ALCAM: variants seen among roughly 807,000 people sequenced by gnomAD.
ALCAM encodes the protein CD166 antigen.
ALCAM carries 30 observed loss-of-function variants against 70.9 expected under a neutral mutation model. That is an observed-to-expected ratio of 0.42 (90% CI 0.32 to 0.57). ALCAM has a LOEUF of 0.57. ALCAM is among the 20% of genes least tolerant of loss of function. ALCAM has a pLI of 0.11. For missense variants in ALCAM, 591 were observed against 695.1 expected, an observed-to-expected ratio of 0.85 and a Z score of 1.68; for synonymous variants, 249 against 242.5, an observed-to-expected ratio of 1.03 and a Z score of -0.25.
intron 7 of ALCAM, among the ~76,000 whole-genome samples, chr3:105,540,785 A>G (rs979264847): frequency 1.3e-5 from 2 of 152,016 alleles, no homozygotes; most frequent in Admixed American, 6.6e-5. Flanking sequence ...TCAATACTGC[A>G]TTTACTGCAG....
chr3:105,505,987 C>T (rs945547473), intron 1 of ALCAM, among the ~76,000 whole-genome samples: 8 of 151,954 alleles, frequency 5.3e-5, no homozygotes, highest in Non-Finnish European at 1.0e-4. Context: ...GTATGATCAG[C>T]GATTTTTATT....
intron 1 of ALCAM, among the ~76,000 whole-genome samples, chr3:105,494,755 G>A (rs370843857): frequency 6.6e-6 from 1 of 151,790 alleles, no homozygotes; most frequent in South Asian, 2.1e-4. Context: ...GAACTCCTGG[G>A]CTCAAGTGAT....
At chr3:105,380,372 A>G (rs1303708959) in intron 1 of ALCAM, among the ~76,000 whole-genome samples, 8 of 152,002 alleles carry the variant, frequency 5.3e-5, no homozygotes, top group Non-Finnish European at 1.5e-5. Context: ...TCAATTTTAT[A>G]AGACATCTCC....
rs545437387 is a variant in ALCAM, at chr3:105,531,914, T to C, written c.395-88T>C. 47 of 1,031,756 alleles carry C rather than the reference T, an allele frequency of 4.6e-5. 1 individual carries two copies. The South Asian group carries it at 6.0e-4, about 13-fold the overall frequency. The allele number at this position is 1,031,756 out of a possible 1,614,324, so 63.9% of individuals were successfully genotyped here. ...CTGTTGCTTATTCTTCTGTATTGAG[T>C]AAATGAATTGTTTTTGCTGTGAATC... is the stretch of plus-strand genomic sequence containing the variant. On this transcript the variant is annotated intron_variant, in intron 3 of 15. Coordinates refer to ENST00000306107, the MANE Select transcript of ALCAM (RefSeq NM_001627.4).
intron 3 of ALCAM, among the ~76,000 whole-genome samples, chr3:105,527,217 T>G (rs1939727196): frequency 6.6e-6 from 1 of 152,160 alleles, no homozygotes; most frequent in Non-Finnish European, 1.5e-5. Context: ...CAGAAGCAAG[T>G]GTCAGCCTTT....
intron 6 of ALCAM, among the ~76,000 whole-genome samples, chr3:105,538,310 A>G (rs1202528765): frequency 6.6e-6 from 1 of 152,096 alleles, no homozygotes; most frequent in Non-Finnish European, 1.5e-5. Flanking sequence ...AGACATGGTG[A>G]CTGAATGGAT....
chr3:105,494,445 CT>C (rs1250031105), intron 1 of ALCAM, among the ~76,000 whole-genome samples: 1 of 143,952 alleles, frequency 6.9e-6, no homozygotes, highest in Non-Finnish European at 1.5e-5. Flanking sequence ...TCCTTCCTTC[CT>C]TCCTTCTTCT....
chr3:105,471,366 G>T (rs1247464779), intron 1 of ALCAM, among the ~76,000 whole-genome samples: 1 of 151,244 alleles, frequency 6.6e-6, no homozygotes, highest in Non-Finnish European at 1.5e-5. Flanking sequence ...AGAACTTCTT[G>T]GTTGTAAAAA....
chr3:105,545,130 G>GA (rs1288059932), intron 8 of ALCAM, 93 bp from the exon 9 acceptor site: 7 of 853,792 alleles, frequency 8.2e-6, no homozygotes, highest in Non-Finnish European at 1.2e-5. Context: ...GCAGTTAGAA[G>GA]AAATTTATTT....
intron 9 of ALCAM, 41 bp downstream of exon 9, chr3:105,545,376 T>A (rs1940221129): frequency 6.8e-7 from 1 of 1,462,378 alleles, no homozygotes; most frequent in African/African-American, 1.4e-5. Flanking sequence ...TTTGGTTTGA[T>A]TTCTTTTTAG....
At chr3:105,480,242 C>T (rs953615913) in intron 1 of ALCAM, among the ~76,000 whole-genome samples, 2 of 151,860 alleles carry the variant, frequency 1.3e-5, no homozygotes, top group African/African-American at 2.4e-5. Context: ...CCCAGCTACT[C>T]GGGAGGCTAA....
chr3:105,572,169 T>C (rs1940872102), intron 15 of ALCAM, among the ~76,000 whole-genome samples: 1 of 152,112 alleles, frequency 6.6e-6, no homozygotes, highest in Non-Finnish European at 1.5e-5. Context: ...AAACGTGCCA[T>C]GGTAGTTTGC....
chr3:105,541,704 C>T lies in ALCAM; in HGVS notation c.930C>T (p.Asp310=), dbSNP rs774204683. ...ATGTGAGGCGCAATGCAACAGGAGACTACAAGTGTTCCCTGATAGACAAAA... is the reference window on the plus strand; with the variant it reads ...ATGTGAGGCGCAATGCAACAGGAGATTACAAGTGTTCCCTGATAGACAAAA... ...LTDVRRNATG[D]YKCSLIDKKS... is the part of the protein sequence containing the mutation. The change falls in exon 8 of 16, where the codon GAC becomes GAT. Residue 310 remains aspartate (D), a synonymous_variant. Transcript: ENST00000306107. 6.2e-7 allele frequency: 1 copy of T among 1,612,344 alleles called. No homozygotes were observed. Among genetic ancestry groups the T allele is most frequent in the African/African-American group, 1.3e-5 (1 of 74,912 alleles).
At chr3:105,559,421 G>C (rs559289862) in intron 14 of ALCAM, among the ~76,000 whole-genome samples, 2 of 151,716 alleles carry the variant, frequency 1.3e-5, no homozygotes, top group South Asian at 4.2e-4. Context: ...GGAATTTCAA[G>C]ATCAAGGCAC....
At chr3:105,561,943 G>C (rs187342839) in intron 14 of ALCAM, among the ~76,000 whole-genome samples, 4 of 152,272 alleles carry the variant, frequency 2.6e-5, no homozygotes, top group Non-Finnish European at 5.9e-5. Flanking sequence ...AAACTTTAGT[G>C]TCTACAGTTT....
intron 15 of ALCAM, among the ~76,000 whole-genome samples, chr3:105,573,379 CGT>C (rs1940897040): frequency 6.7e-6 from 1 of 150,208 alleles, no homozygotes; most frequent in African/African-American, 2.4e-5. Flanking sequence ...TTAATAAAAG[CGT>C]GAGTGTATTT....
chr3:105,487,271 C>T (rs1576195708), intron 1 of ALCAM, among the ~76,000 whole-genome samples: 1 of 152,172 alleles, frequency 6.6e-6, no homozygotes, highest in East Asian at 1.9e-4. Flanking sequence ...GAGTTATGCC[C>T]AAGGGAGATT....
intron 14 of ALCAM, among the ~76,000 whole-genome samples, chr3:105,561,648 A>C (rs1227587983): frequency 2.6e-5 from 4 of 152,128 alleles, no homozygotes; most frequent in Non-Finnish European, 4.4e-5. Context: ...ACTCAAGATC[A>C]CCCTTACTTC....
chr3:105,460,261 A>T (rs1479744648), intron 1 of ALCAM, among the ~76,000 whole-genome samples: 1 of 152,006 alleles, frequency 6.6e-6, no homozygotes, highest in Non-Finnish European at 1.5e-5. Flanking sequence ...ATTAATTTAT[A>T]ATTCACCGCA....
Sources: gnomAD v4.1 joint callset for allele counts (sites outside exome capture counted in the v4.1 genomes callset) on GRCh38, gnomAD v4.1.1 for gene constraint, MANE v1.5 for transcripts, NCBI Gene and HGNC (gene_info 2026-07-23, HGNC 2026-07-21) for gene names.